Variants in TMEM80 observed in about 807,000 individuals in gnomAD.
TMEM80 encodes the protein transmembrane protein 80.
A neutral mutation model predicts 13.6 loss-of-function variants in TMEM80; 16 were observed. The ratio of observed to expected loss-of-function variants is 1.17; its 90% CI spans 0.79 to 1.78. The LOEUF (loss-of-function observed/expected upper bound fraction) is 1.78, where lower values mean the gene tolerates loss of function less well. Among genes scored for constraint, TMEM80 ranks in the 40% most tolerant of loss-of-function variants. The pLI is 0.00. For synonymous variants in TMEM80, 92 were observed against 89.5 expected (o/e 1.03, Z -0.16); for missense variants, 167 against 184.6 (o/e 0.90, Z 0.55).
chr11:695,689 C>T, upstream of TMEM80: 2 of 1,243,576 alleles, frequency 1.6e-6, no homozygotes, highest in East Asian at 3.2e-5. Flanking sequence ...GGGCCTCGGC[C>T]GTGGCTCGGA....
chr11:701,945 G>C (rs796665063), intron 4 of TMEM80, among the ~76,000 whole-genome samples: 3 of 152,316 alleles, frequency 2.0e-5, no homozygotes, highest in African/African-American at 7.2e-5. Flanking sequence ...CCCTCTGCGT[G>C]CTCATGGTCG....
At chr11:701,451 C>T (rs1323269930) in intron 4 of TMEM80, among the ~76,000 whole-genome samples, 2 of 146,210 alleles carry the variant, frequency 1.4e-5, no homozygotes, top group African/African-American at 2.5e-5. Context: ...CGCTCTGTCG[C>T]CCAGGCTGGA....
chr11:704,212 C>A, downstream of TMEM80: 2 of 963,896 alleles, frequency 2.1e-6, no homozygotes, highest in Non-Finnish European at 2.7e-6. Flanking sequence ...GCCAGCTGGT[C>A]AGTTCCTGGC....
intron 2 of TMEM80, chr11:699,932 T>C: frequency 3.7e-6 from 2 of 536,534 alleles, no homozygotes; most frequent in African/African-American, 1.9e-5. Context: ...TGGAGGGGGG[T>C]CCCACAAAGG....
Position 700,630 on chromosome 11 carries a change from A to G in TMEM80, c.149A>G (p.Tyr50Cys). ...TGCTCTTCAGGTCAGGTGTTCAGCT[A>G]TCCTCACCGCTACCTGGTCCTCGAT... ...MITYKSQVFS[Y>C]PHRYLVLDLA... is the part of the protein sequence containing the mutation. Residue 50 changes from tyrosine (Y) to cysteine (C), a missense_variant, in exon 4 of 5, where the codon TAT becomes TGT. Transcript: ENST00000397510. 1.2e-6 allele frequency: 2 copies of G among 1,613,772 alleles called. No individual in the cohort carries two copies. The highest frequency in any genetic ancestry group is 1.7e-5 in the Admixed American group (1 of 59,986).
intron 1 of TMEM80, chr11:697,518 A>T (rs1861253562): frequency 6.6e-6 from 1 of 152,262 alleles, no homozygotes; most frequent in Non-Finnish European, 1.5e-5. Flanking sequence ...AATTATTAAA[A>T]TGTTACATCA....
chr11:698,723 C>T, intron 1 of TMEM80, 146 bp from the exon 2 acceptor site: 1 of 920,320 alleles, frequency 1.1e-6, no homozygotes, highest in Non-Finnish European at 1.8e-6. Flanking sequence ...TATCTAGTGG[C>T]AGGCCCACGG....
chr11:701,694 C>A (rs879332032), intron 4 of TMEM80, among the ~76,000 whole-genome samples: 29 of 152,246 alleles, frequency 1.9e-4, no homozygotes, highest in Non-Finnish European at 3.1e-4. Context: ...CAGGCGTGAG[C>A]CACCGCGCCC....
chr11:703,565 T>C lies in TMEM80; in HGVS notation c.*415T>C. 1 of 1,233,766 alleles carries C rather than the reference T, an allele frequency of 8.1e-7. No homozygotes were observed. The highest frequency in any genetic ancestry group is 3.2e-5 in the East Asian group (1 of 31,744). 76.4% of individuals were successfully genotyped at this position (1,233,766 alleles called of 1,614,324 possible). ...TCACCCCCTAGTTCCCCAATGGTCC[T>C]AATTTGTGTTCTGAGATCCCAGTTT... On this transcript the variant is annotated 3_prime_UTR_variant, in exon 5 of 5. Coordinates refer to ENST00000397510, the MANE Select transcript of TMEM80 (RefSeq NM_001042463.3).
rs565135311 is a variant in TMEM80, at chr11:699,090, G to A, written c.39+202G>A. The A allele has an allele frequency of 4.3e-5, 27 of 626,510 alleles. No homozygotes were observed. The South Asian group carries it at 5.4e-4, about 13-fold the overall frequency. 38.8% of individuals were successfully genotyped at this position (626,510 alleles called of 1,614,324 possible). Reference sequence around the variant, plus strand: ...GCTGGCTCCATCCCCTACCTGCTCAGCCCTGCACAAAGTGGCTAAGCACGC... The same window carrying A: ...GCTGGCTCCATCCCCTACCTGCTCAACCCTGCACAAAGTGGCTAAGCACGC... On this transcript the variant is annotated intron_variant, in intron 2 of 4. Transcript: ENST00000397510.
chr11:699,844 T>C (rs1861362684), intron 2 of TMEM80: 3 of 345,384 alleles, frequency 8.7e-6, no homozygotes, highest in Non-Finnish European at 1.6e-5. Context: ...TGCCAGTGTG[T>C]GGAGGCTGTC....
chr11:698,871 A>G lies in TMEM80; in HGVS notation c.22A>G (p.Arg8Gly), dbSNP rs751659452. 1.9e-6 allele frequency: 3 copies of G among 1,614,046 alleles called. No homozygotes were observed. Among genetic ancestry groups the G allele is most frequent in the East Asian group, 4.5e-5 (2 of 44,886 alleles). The change falls in exon 2 of 5, where the codon AGA (arginine) becomes GGA (glycine). Residue 8 changes from arginine (R) to glycine (G), a missense_variant and splice_region_variant. By Grantham distance (125) the Arg-to-Gly change is moderately radical. Coordinates refer to ENST00000397510, the MANE Select transcript of TMEM80 (RefSeq NM_001042463.3). MAAPRRGRGSSTVLSSVP... is the reference protein window; with the variant it reads MAAPRRGGGSSTVLSSVP... ...CTCACGGCCCCTTTCTCTTTCAGGG[A>G]GAGGATCCTCCACAGTGGTATCCTG...
rs912492349 is a variant in TMEM80, at chr11:703,691, G to C, written c.*541G>C. On this transcript the variant is annotated 3_prime_UTR_variant, in exon 5 of 5. Transcript: ENST00000397510. Reference sequence around the variant, plus strand: ...CAACCCCAGCTCTGCCTCACAGGCAGGCAGGCCCGGTGCAAGAGTGGACTC... The same window carrying C: ...CAACCCCAGCTCTGCCTCACAGGCACGCAGGCCCGGTGCAAGAGTGGACTC... 3 of 1,232,330 alleles carry C rather than the reference G, an allele frequency of 2.4e-6. No homozygotes were observed. Among genetic ancestry groups the C allele is most frequent in the Non-Finnish European group, 3.0e-6 (3 of 988,490 alleles). The allele number at this position is 1,232,330 out of a possible 1,614,324, so 76.3% of individuals were successfully genotyped here.
intron 4 of TMEM80, chr11:701,063 TGAG>T (rs1327172705): frequency 5.9e-6 from 2 of 336,454 alleles, no homozygotes; most frequent in Admixed American, 3.9e-5. Context: ...CTTAGCTGTC[TGAG>T]GAGAGAGCCC....
intron 4 of TMEM80, 114 bp downstream of exon 4, chr11:700,821 A>G (rs1861421881): frequency 7.0e-6 from 7 of 1,000,236 alleles, no homozygotes; most frequent in Non-Finnish European, 1.1e-5. Context: ...TTTTTATCCA[A>G]ACTGCTTACC....
In TMEM80 at chr11:703,198, G is replaced by A; in HGVS notation, c.*48G>A. 4 of 1,545,702 alleles carry A rather than the reference G, an allele frequency of 2.6e-6. No homozygotes were observed. The highest frequency in any genetic ancestry group is 1.2e-5 in the South Asian group (1 of 83,576). The stretch of plus-strand genomic sequence containing the variant: ...ACACTGGGGCCCTCCTCCTGGGCCT[G>A]ACCAGTCCCCCAGCTGTCACCTCCC... On this transcript the variant is annotated 3_prime_UTR_variant, in exon 5 of 5. Coordinates refer to ENST00000397510, the MANE Select transcript of TMEM80 (RefSeq NM_001042463.3).
chr11:699,994 C>G, intron 2 of TMEM80, 148 bp from the exon 3 acceptor site: 1 of 624,408 alleles, frequency 1.6e-6, no homozygotes, highest in Admixed American at 2.9e-5. Flanking sequence ...ACAGAAGCCT[C>G]AGATAGGCAG....
rs1861617784 is a variant in TMEM80, at chr11:704,070, A to G, written c.*920A>G. ...ATGTTTGGAATAATTACACCCAAAT[A>G]TCTAGATATTTTCTCTTCACCGCAT... is the stretch of plus-strand genomic sequence containing the variant. On this transcript the variant is annotated 3_prime_UTR_variant, in exon 5 of 5. Transcript: ENST00000397510. 1.8e-6 allele frequency: 2 copies of G among 1,135,158 alleles called. No homozygotes were observed. The highest frequency in any genetic ancestry group is 2.2e-6 in the Non-Finnish European group (2 of 923,620). The allele number at this position is 1,135,158 out of a possible 1,614,324, so 70.3% of individuals were successfully genotyped here.
upstream of TMEM80, chr11:695,694 C>T: frequency 1.6e-6 from 2 of 1,242,978 alleles, no homozygotes; most frequent in Non-Finnish European, 2.0e-6. Context: ...TCGGCCGTGG[C>T]TCGGACGTCC....
Sources: gnomAD v4.1 joint callset for allele counts (sites outside exome capture counted in the v4.1 genomes callset) on GRCh38, gnomAD v4.1.1 for gene constraint, MANE v1.5 for transcripts, NCBI Gene and HGNC (gene_info 2026-07-23, HGNC 2026-07-21) for gene names.